The following PAX3 variants were observed in gnomAD, a reference collection of about 807,000 sequenced individuals.
The protein encoded by PAX3 is paired box 3, also known as paired box protein Pax-3.
In PAX3, 14 loss-of-function variants were observed where a neutral mutation model predicts 51.6. The observed-to-expected ratio is 0.27, with a 90% CI of 0.18 to 0.42. The LOEUF (loss-of-function observed/expected upper bound fraction) is 0.42. Among genes scored for constraint, PAX3 ranks in the 10% least tolerant of loss-of-function variants. PAX3 has a pLI of 1.00. For synonymous variants in PAX3, 280 were observed against 253.4 expected, an observed-to-expected ratio of 1.11 and a Z score of -1.00; for missense variants, 540 against 642.8, an observed-to-expected ratio of 0.84 and a Z score of 1.73.
intron 4 of PAX3, among the ~76,000 whole-genome samples, chr2:222,266,032 G>A (rs1461766713): frequency 6.6e-6 from 1 of 152,212 alleles, no homozygotes; most frequent in Non-Finnish European, 1.5e-5. Context: ...CTTGAAGCTT[G>A]TAAAATTTGG....
intron 4 of PAX3, among the ~76,000 whole-genome samples, chr2:222,272,175 G>A (rs1000735752): frequency 3.3e-5 from 5 of 152,138 alleles, no homozygotes; most frequent in Non-Finnish European, 7.3e-5. Flanking sequence ...ACACTTAGAG[G>A]AAACTCTCAT....
chr2:222,231,167 T>C (rs1692579708), intron 5 of PAX3, among the ~76,000 whole-genome samples: 1 of 152,168 alleles, frequency 6.6e-6, no homozygotes, highest in Non-Finnish European at 1.5e-5. Flanking sequence ...TATGAACGTG[T>C]TGATCAATCT....
At chr2:222,261,604 AAAAAAAAAAAAG>A (rs1693864181) in intron 4 of PAX3, among the ~76,000 whole-genome samples, 1 of 149,860 alleles carries the variant, frequency 6.7e-6, no homozygotes, top group African/African-American at 2.4e-5. Context: ...ACAACAACAA[AAAAAAAAAAAAG>A]AAAAAGAAAA....
intron 4 of PAX3, among the ~76,000 whole-genome samples, chr2:222,258,221 G>A (rs1046774932): frequency 4.6e-5 from 7 of 152,144 alleles, no homozygotes; most frequent in Admixed American, 6.5e-5. Context: ...ATTTGTCTGC[G>A]TAAAGGAAGC....
intron 7 of PAX3, among the ~76,000 whole-genome samples, chr2:222,212,371 C>T (rs1392741471): frequency 6.6e-6 from 1 of 152,110 alleles, no homozygotes; most frequent in East Asian, 1.9e-4. Flanking sequence ...CATCTCACAG[C>T]TAAGAAATAT....
chr2:222,295,139 C>T (rs1695225971), intron 3 of PAX3, among the ~76,000 whole-genome samples: 1 of 152,142 alleles, frequency 6.6e-6, no homozygotes, highest in Admixed American at 6.5e-5. Context: ...GCCTCCACGG[C>T]TTTGCGCACA....
chr2:222,271,925 CA>C, intron 4 of PAX3, among the ~76,000 whole-genome samples: 1 of 152,316 alleles, frequency 6.6e-6, no homozygotes, highest in South Asian at 2.1e-4. Context: ...TCCAACTTCA[CA>C]AGGAGCTGTT....
intron 1 of PAX3, 52 bp from the exon 2 acceptor site, chr2:222,297,265 A>C: frequency 7.3e-7 from 1 of 1,366,864 alleles, no homozygotes; most frequent in Middle Eastern, 1.9e-4. Flanking sequence ...GAGGAAAATA[A>C]AAAGCAAAGA....
intron 4 of PAX3, among the ~76,000 whole-genome samples, chr2:222,268,589 GT>G (rs45595238): frequency 4.3e-4 from 65 of 152,312 alleles, no homozygotes; most frequent in Non-Finnish European, 8.4e-4. Flanking sequence ...AAAGAGCTGA[GT>G]TTCCTACCTC....
intron 4 of PAX3, chr2:222,264,513 T>A (rs1417231796): frequency 6.6e-6 from 1 of 152,236 alleles, no homozygotes; most frequent in African/African-American, 2.4e-5. Flanking sequence ...GCCATTGAAT[T>A]GTTCACTTTA....
chr2:222,200,556 T>C lies in PAX3; in HGVS notation c.*852A>G. 4.3e-6 allele frequency: 1 copy of C among 231,802 alleles called. No individual in the cohort carries two copies. The highest frequency in any genetic ancestry group is 8.6e-6 in the Non-Finnish European group (1 of 116,956). 14.4% of individuals were successfully genotyped at this position (231,802 alleles called of 1,614,324 possible). On this transcript the variant is annotated 3_prime_UTR_variant, in exon 9 of 9. Coordinates refer to ENST00000392070, the MANE Select transcript of PAX3 (RefSeq NM_181458.4). ...GCCTTGGGCATTGCCAAAGCATCCATGAGGTACACAGTATTGCACACTGAT... is the reference window on the plus strand; with the variant it reads ...GCCTTGGGCATTGCCAAAGCATCCACGAGGTACACAGTATTGCACACTGAT...
intron 4 of PAX3, among the ~76,000 whole-genome samples, chr2:222,284,605 C>A (rs1694764784): frequency 1.1e-5 from 1 of 95,118 alleles, no homozygotes; most frequent in South Asian, 5.1e-4. Context: ...GGGTGTGTGT[C>A]TGTGTGCGTG....
intron 7 of PAX3, chr2:222,214,327 C>G (rs1055629409): frequency 6.6e-6 from 1 of 152,112 alleles, no homozygotes; most frequent in Non-Finnish European, 1.5e-5. Flanking sequence ...TACATATATG[C>G]ATGAAACGAA....
At chr2:222,248,835 T>A (rs745815333) in intron 4 of PAX3, among the ~76,000 whole-genome samples, 1 of 152,134 alleles carries the variant, frequency 6.6e-6, no homozygotes, top group Non-Finnish European at 1.5e-5. Flanking sequence ...TAAAGTTTAG[T>A]GGTTATTTTG....
chr2:222,206,456 G>GT (rs1691513976), intron 7 of PAX3, among the ~76,000 whole-genome samples: 1 of 151,524 alleles, frequency 6.6e-6, no homozygotes, highest in African/African-American at 2.4e-5. Context: ...TCCACATACT[G>GT]TTTCTAAATT....
rs759986156 is a variant in PAX3 at position 222,232,250 on chromosome 2, A to G, written c.620T>C (p.Ile207Thr). The change falls in exon 5 of 9, where the codon ATT becomes ACT. Residue 207 changes from isoleucine (I) to threonine (T), a missense_variant. Physicochemically the swap from Ile to Thr is moderately conservative, Grantham distance 89. Around this residue, in one of 3 missense-constraint regions of PAX3, gnomAD observed 427 missense variants for 483.6 expected, o/e 0.88. Transcript: ENST00000392070. ...SAPQSDEGSD[I>T]DSEPDLPLKR... is the part of the protein sequence containing the mutation. ...TAGTGGTAAATCTGGTTCAGAGTCA[A>G]TATCAGAGCCTTCATCTGATTGGGG... 3 of 1,614,070 alleles carry G rather than the reference A, an allele frequency of 1.9e-6. No homozygotes were observed. The highest frequency in any genetic ancestry group is 1.7e-5 in the Admixed American group (1 of 59,998).
rs138220772 is a variant in PAX3 at position 222,288,880 on chromosome 2, C to T, written c.586+5287G>A. Among the ~76,000 whole-genome samples, 40 of 152,308 alleles carry T rather than the reference C, an allele frequency of 2.6e-4. 1 individual carries two copies. The highest frequency in any genetic ancestry group is 6.8e-3 in the Middle Eastern group (2 of 292). ...TCCAGGACAGATAAATTGAAATGATCCCGCTTTGATCTCTATGGTTAAGAA... is the reference window on the plus strand; with the variant it reads ...TCCAGGACAGATAAATTGAAATGATTCCGCTTTGATCTCTATGGTTAAGAA... On this transcript the variant is annotated intron_variant, in intron 4 of 8. Coordinates refer to ENST00000392070, the MANE Select transcript of PAX3 (RefSeq NM_181458.4).
chr2:222,249,382 T>C (rs996076764), intron 4 of PAX3, among the ~76,000 whole-genome samples: 1 of 152,168 alleles, frequency 6.6e-6, no homozygotes, highest in Non-Finnish European at 1.5e-5. Flanking sequence ...TTTCCTTGAG[T>C]AAATCTTTCC....
At chr2:222,229,261 G>T (rs1331685561) in intron 5 of PAX3, among the ~76,000 whole-genome samples, 1 of 149,382 alleles carries the variant, frequency 6.7e-6, no homozygotes, top group Non-Finnish European at 1.5e-5. Flanking sequence ...TAATATTAAT[G>T]TTATGTTAAT....
Sources: gnomAD v4.1 joint callset for allele counts (sites outside exome capture counted in the v4.1 genomes callset) on GRCh38, gnomAD v4.1.1 for gene constraint, gnomAD v4.1.1 regional missense constraint, MANE v1.5 for transcripts, NCBI Gene and HGNC (gene_info 2026-07-23, HGNC 2026-07-21) for gene names.